Variants in PDE1A observed in about 807,000 individuals in gnomAD.
The protein encoded by PDE1A is dual specificity calcium/calmodulin-dependent 3',5'-cyclic nucleotide phosphodiesterase 1A.
Under a neutral mutation model 61.7 loss-of-function variants are expected in PDE1A, and 35 were observed. The ratio of observed to expected loss-of-function variants is 0.57; its 90% confidence interval spans 0.43 to 0.75. PDE1A has a LOEUF of 0.75. Ranked by LOEUF, PDE1A falls within the 30% of genes least tolerant of loss-of-function variation. PDE1A has a pLI of 0.00. For missense variants in PDE1A, 597 were observed against 630.6 expected (o/e 0.95, Z 0.57); for synonymous variants, 232 against 213.2 (o/e 1.09, Z -0.77).
At chr2:182,346,546 G>T (rs1444425197) in intron 1 of PDE1A, among the ~76,000 whole-genome samples, 1 of 152,016 alleles carries the variant, frequency 6.6e-6, no homozygotes, top group African/African-American at 2.4e-5. Flanking sequence ...AGTTTTAAAA[G>T]AATAATACAT....
intron 7 of PDE1A, among the ~76,000 whole-genome samples, chr2:182,217,701 A>C: frequency 7.5e-6 from 1 of 133,582 alleles, no homozygotes; most frequent in Admixed American, 7.6e-5. Context: ...GAGAAATGCA[A>C]ATCAAAACCA....
chr2:182,430,055 G>C (rs1703853518), upstream of PDE1A, among the ~76,000 whole-genome samples: 1 of 152,204 alleles, frequency 6.6e-6, no homozygotes, highest in South Asian at 2.1e-4. Flanking sequence ...GAAACTGCAA[G>C]AAAGAAAGGA....
chr2:182,656,196 T>C, the PDE1A span, among the ~76,000 whole-genome samples: 1 of 152,204 alleles, frequency 6.6e-6, no homozygotes, highest in Non-Finnish European at 1.5e-5. Flanking sequence ...CCCCAGGAGT[T>C]CTCATCATTC....
At chr2:182,545,644 A>T in the PDE1A span, among the ~76,000 whole-genome samples, 2 of 152,214 alleles carry the variant, frequency 1.3e-5, no homozygotes, top group Non-Finnish European at 2.9e-5. Context: ...TTTATGGCTC[A>T]GAGCTCAAAG....
chr2:182,283,148 C>T (rs2125858089), intron 1 of PDE1A, among the ~76,000 whole-genome samples: 2 of 151,908 alleles, frequency 1.3e-5, no homozygotes, highest in Admixed American at 1.3e-4. Context: ...GTAATCGTTC[C>T]CAAGGACTAG....
At chr2:182,443,280 T>C (rs928035417) in intron 2 of PDE1A, among the ~76,000 whole-genome samples, 2 of 151,962 alleles carry the variant, frequency 1.3e-5, no homozygotes, top group African/African-American at 2.4e-5. Context: ...GATGCTCTTA[T>C]GATGGTCAAA....
the PDE1A span, among the ~76,000 whole-genome samples, chr2:182,677,632 T>C: frequency 2.0e-5 from 3 of 152,156 alleles, no homozygotes; most frequent in Non-Finnish European, 4.4e-5. Flanking sequence ...CAAACGATGC[T>C]ACAGGGCTAC....
chr2:182,420,418 T>C (rs898209520), intron 1 of PDE1A, among the ~76,000 whole-genome samples: 38 of 152,174 alleles, frequency 2.5e-4, no homozygotes, highest in African/African-American at 8.7e-4. Flanking sequence ...TAACTGCCAC[T>C]TTTATATGAC....
At chr2:182,207,748 C>G (rs1254892768) in intron 7 of PDE1A, among the ~76,000 whole-genome samples, 1 of 152,228 alleles carries the variant, frequency 6.6e-6, no homozygotes, top group Non-Finnish European at 1.5e-5. Context: ...CCCCTCCTAT[C>G]ACAAGCCTGA....
intron 13 of PDE1A, among the ~76,000 whole-genome samples, chr2:182,160,755 G>A (rs933790092): frequency 2.0e-5 from 3 of 152,078 alleles, no homozygotes; most frequent in Non-Finnish European, 2.9e-5. Flanking sequence ...GTGACAGTGT[G>A]AGCCAATTTT....
At chr2:182,531,989 G>A in the PDE1A span, among the ~76,000 whole-genome samples, 16 of 152,056 alleles carry the variant, frequency 1.1e-4, no homozygotes, top group Admixed American at 3.3e-4. Context: ...TAAAAATAAT[G>A]GTTTCCAGCT....
chr2:182,429,150 G>C (rs1021371715), upstream of PDE1A, among the ~76,000 whole-genome samples: 5 of 151,952 alleles, frequency 3.3e-5, no homozygotes, highest in South Asian at 6.2e-4. Context: ...ACCCTATAAA[G>C]CATTCAGATG....
chr2:182,641,028 A>AAAAAAAAAG, the PDE1A span, among the ~76,000 whole-genome samples: 1 of 149,622 alleles, frequency 6.7e-6, no homozygotes, highest in African/African-American at 2.5e-5. Flanking sequence ...TCAAAAAAAA[A>AAAAAAAAAG]AAGAAGAAGA....
chr2:182,684,864 A>G, the PDE1A span, among the ~76,000 whole-genome samples: 1 of 152,104 alleles, frequency 6.6e-6, no homozygotes, highest in East Asian at 1.9e-4. Flanking sequence ...TAATTTCTTA[A>G]ATGATGTATT....
chr2:182,496,413 A>C (rs1363276552), intron 2 of PDE1A, among the ~76,000 whole-genome samples: 1 of 152,254 alleles, frequency 6.6e-6, no homozygotes, highest in African/African-American at 2.4e-5. Context: ...TAACGAAAAG[A>C]AGCAGTAGAA....
At chr2:182,581,928 C>T in the PDE1A span, among the ~76,000 whole-genome samples, 3 of 152,020 alleles carry the variant, frequency 2.0e-5, no homozygotes, top group African/African-American at 4.8e-5. Flanking sequence ...AAATCCTATG[C>T]GTTTTTAAAA....
chr2:182,451,670 T>C (rs142463709), intron 2 of PDE1A, among the ~76,000 whole-genome samples: 2 of 152,280 alleles, frequency 1.3e-5, no homozygotes, highest in Admixed American at 6.5e-5. Context: ...CACATGTCAA[T>C]GCAAACTTGC....
chr2:182,309,028 A>T (rs1695787522), intron 1 of PDE1A, among the ~76,000 whole-genome samples: 1 of 54,492 alleles, frequency 1.8e-5, no homozygotes, highest in East Asian at 3.6e-4. Flanking sequence ...GTCTTGCTTT[A>T]AAAAAAAAAA....
chr2:182,403,056 T>A (rs1381122256), intron 1 of PDE1A, among the ~76,000 whole-genome samples: 3 of 151,892 alleles, frequency 2.0e-5, no homozygotes, highest in Non-Finnish European at 4.4e-5. Context: ...GAAATAGGAA[T>A]GCTTTTACAG....
Sources: allele counts gnomAD v4.1 joint callset (sites outside exome capture counted in the v4.1 genomes callset), GRCh38; gene constraint gnomAD v4.1.1; transcripts MANE v1.5; gene names NCBI Gene and HGNC (gene_info 2026-07-23, HGNC 2026-07-21).